Variants in MARCHF1 observed in about 807,000 individuals in gnomAD.
MARCHF1 encodes the protein membrane associated ring-CH-type finger 1, also known as E3 ubiquitin-protein ligase MARCHF1.
Under a neutral mutation model 54.2 loss-of-function variants are expected in MARCHF1, and 40 were observed. That is an observed-to-expected ratio of 0.74 (90% CI 0.57 to 0.96). MARCHF1 has a LOEUF of 0.96. Among genes scored for constraint, MARCHF1 ranks in the 40% least tolerant of loss-of-function variants. The probability of loss-of-function intolerance (pLI) is 0.00; values close to 1 mark genes in which losing one functional copy is unlikely to be tolerated. For missense variants in MARCHF1, 586 were observed against 656.5 expected (o/e 0.89, Z 1.17); for synonymous variants, 236 against 236.3 (o/e 1.00, Z 0.01).
chr4:163,914,704 T>A (rs1177429267), intron 3 of MARCHF1, among the ~76,000 whole-genome samples: 1 of 152,114 alleles, frequency 6.6e-6, no homozygotes, highest in Non-Finnish European at 1.5e-5. Flanking sequence ...ATACTAGTAG[T>A]GTTTGTTTTT....
chr4:164,178,386 AG>A (rs1301427772), intron 1 of MARCHF1, among the ~76,000 whole-genome samples: 3 of 152,178 alleles, frequency 2.0e-5, no homozygotes, highest in African/African-American at 4.8e-5. Flanking sequence ...CATAAACACA[AG>A]GAGAAAGTGC....
chr4:163,720,343 T>G (rs1745405537), intron 4 of MARCHF1, among the ~76,000 whole-genome samples: 2 of 152,332 alleles, frequency 1.3e-5, no homozygotes, highest in East Asian at 3.9e-4. Flanking sequence ...GTTGTAGATG[T>G]GTGATATTAT....
At chr4:163,612,090 C>A (rs907432) in intron 7 of MARCHF1, among the ~76,000 whole-genome samples, 181 bp downstream of exon 7, 138,048 of 152,154 alleles carry the variant, frequency 0.91, 62,664 homozygotes, top group Middle Eastern at 0.96. Flanking sequence ...ACAGCTTTCA[C>A]ACCCATGTTT....
intron 3 of MARCHF1, among the ~76,000 whole-genome samples, chr4:163,967,165 C>T (rs894119797): frequency 1.1e-4 from 16 of 152,060 alleles, no homozygotes; most frequent in Admixed American, 9.8e-4. Flanking sequence ...TTGTATACCA[C>T]GATAAGGAAA....
Position 163,827,744 on chromosome 4 carries a change from A to G in MARCHF1, c.111+26277T>C, listed in dbSNP as rs1388791810. ...ACAGGTAATATTATTAATTCTTTGT[A>G]TACTATGTATACACTGAACCTTATT... On this transcript the variant is annotated intron_variant, in intron 4 of 9. Coordinates refer to ENST00000514618, the MANE Select transcript of MARCHF1 (RefSeq NM_001394959.1). 2.6e-5 allele frequency among the ~76,000 whole-genome samples: 4 copies of G among 152,238 alleles called. No individual in the cohort carries two copies. The East Asian group carries it at 7.7e-4, about 29-fold the overall frequency.
intron 3 of MARCHF1, among the ~76,000 whole-genome samples, chr4:163,896,029 T>C (rs1750798544): frequency 6.6e-6 from 1 of 152,174 alleles, no homozygotes; most frequent in Non-Finnish European, 1.5e-5. Context: ...TTTTGTAAAA[T>C]AAAAATGATA....
intron 1 of MARCHF1, among the ~76,000 whole-genome samples, chr4:164,113,961 A>G (rs1192994329): frequency 6.6e-6 from 1 of 151,986 alleles, no homozygotes; most frequent in Non-Finnish European, 1.5e-5. Context: ...CATATTTATT[A>G]AAGCAAACTT....
chr4:163,853,679 A>G (rs1181079361), intron 4 of MARCHF1, among the ~76,000 whole-genome samples: 2 of 152,200 alleles, frequency 1.3e-5, no homozygotes, highest in African/African-American at 4.8e-5. Context: ...ATGACTCTGT[A>G]CTTACTTTTC....
intron 8 of MARCHF1, among the ~76,000 whole-genome samples, chr4:163,582,201 T>G (rs1740253564): frequency 6.6e-6 from 1 of 152,218 alleles, no homozygotes; most frequent in Admixed American, 6.5e-5. Context: ...ATGCTTTCTT[T>G]ATGTGTGACA....
chr4:164,307,689 C>G (rs1423444107), intron 1 of MARCHF1, among the ~76,000 whole-genome samples: 1 of 152,230 alleles, frequency 6.6e-6, no homozygotes, highest in Non-Finnish European at 1.5e-5. Flanking sequence ...ACATAAGAGA[C>G]TGGGCCAAAT....
Position 163,888,729 on chromosome 4 carries a change from G to GA in MARCHF1, c.-38-34561dup, listed in dbSNP as rs573595467. 2.0e-4 allele frequency among the ~76,000 whole-genome samples: 31 copies of GA among 152,252 alleles called. 1 individual carries two copies. In the South Asian group the frequency reaches 6.4e-3, roughly 31 times the overall value. ...TCTAAGCCTATAAGGCTAAGAATCA[G>GA]AAAAACAGTTGGAAATTTATCAAGA... On this transcript the variant is annotated intron_variant, in intron 3 of 9. Coordinates refer to ENST00000514618, the MANE Select transcript of MARCHF1 (RefSeq NM_001394959.1).
At chr4:164,306,487 C>T (rs577304787) in intron 1 of MARCHF1, among the ~76,000 whole-genome samples, 2 of 152,088 alleles carry the variant, frequency 1.3e-5, no homozygotes, top group Non-Finnish European at 2.9e-5. Flanking sequence ...AATTCAACTT[C>T]GAATCATTTT....
intron 9 of MARCHF1, among the ~76,000 whole-genome samples, chr4:163,531,427 A>AT (rs1322990917): frequency 2.6e-5 from 4 of 151,882 alleles, no homozygotes; most frequent in African/African-American, 7.2e-5. Context: ...CTCAATCATG[A>AT]TAAAAACTAG....
At chr4:163,904,693 C>A (rs953059722) in intron 3 of MARCHF1, among the ~76,000 whole-genome samples, 2 of 152,020 alleles carry the variant, frequency 1.3e-5, no homozygotes, top group African/African-American at 4.8e-5. Flanking sequence ...ATGAATAGGT[C>A]CCACTCTCTA....
At chr4:164,049,983 T>C (rs1467445484) in intron 2 of MARCHF1, among the ~76,000 whole-genome samples, 2 of 152,136 alleles carry the variant, frequency 1.3e-5, no homozygotes, top group African/African-American at 4.8e-5. Flanking sequence ...ATATAAAAAA[T>C]GAAGGCCTAG....
Position 164,346,590 on chromosome 4 carries a change from C to CTGTATGTA in MARCHF1, c.-323+37272_-323+37279dup, listed in dbSNP as rs1182576618. Among the ~76,000 whole-genome samples the CTGTATGTA allele has an allele frequency of 9.5e-4, 51 of 53,662 alleles. 2 individuals carry two copies. Among genetic ancestry groups the CTGTATGTA allele is most frequent in the South Asian group, 4.4e-3 (7 of 1,588 alleles). 35.2% of individuals were successfully genotyped at this position (53,662 alleles called of 152,430 possible). On this transcript the variant is annotated intron_variant, in intron 1 of 9. Transcript: ENST00000514618. ...CTGACAAATGCTGATGTCCTCAAAC[C>CTGTATGTA]TGTATGTATGTATGTATATATATAT...
intron 1 of MARCHF1, among the ~76,000 whole-genome samples, chr4:164,144,189 C>T (rs1261501255): frequency 2.7e-5 from 4 of 150,322 alleles, no homozygotes; most frequent in Admixed American, 1.3e-4. Context: ...GACTGACCTA[C>T]AAAGAGACTT....
intron 3 of MARCHF1, among the ~76,000 whole-genome samples, chr4:163,945,455 T>C (rs1330676895): frequency 6.6e-6 from 1 of 152,150 alleles, no homozygotes; most frequent in East Asian, 1.9e-4. Context: ...TGAAATGGTA[T>C]CTAAAATCAC....
intron 1 of MARCHF1, among the ~76,000 whole-genome samples, chr4:164,143,222 A>G (rs1444338099): frequency 1.3e-5 from 2 of 152,004 alleles, no homozygotes; most frequent in Non-Finnish European, 2.9e-5. Context: ...TGACTGGGAG[A>G]ATGGAACCAA....
Sources: gnomAD v4.1 joint callset for allele counts (sites outside exome capture counted in the v4.1 genomes callset) on GRCh38, gnomAD v4.1.1 for gene constraint, MANE v1.5 for transcripts, NCBI Gene and HGNC (gene_info 2026-07-23, HGNC 2026-07-21) for gene names.